The following ECHDC2 variants were observed in gnomAD, a reference collection of about 807,000 sequenced individuals.
ECHDC2 encodes enoyl-CoA hydratase domain-containing protein 2, mitochondrial.
In ECHDC2, 34 loss-of-function variants were observed where a neutral mutation model predicts 40.6. The ratio of observed to expected loss-of-function variants is 0.84; its 90% CI spans 0.64 to 1.11. The LOEUF (loss-of-function observed/expected upper bound fraction) is 1.11, where lower values mean the gene tolerates loss of function less well. Ranked by LOEUF, ECHDC2 falls within the 50% of genes most tolerant of loss-of-function variation. ECHDC2 has a pLI of 0.00. For synonymous variants in ECHDC2, 162 were observed against 166.6 expected, an observed-to-expected ratio of 0.97 and a Z score of 0.21; for missense variants, 392 against 400.7, an observed-to-expected ratio of 0.98 and a Z score of 0.19.
chr1:52,904,175 G>A (rs1221071055), intron 7 of ECHDC2, among the ~76,000 whole-genome samples: 2 of 152,214 alleles, frequency 1.3e-5, no homozygotes, highest in Non-Finnish European at 2.9e-5. Context: ...TGGGTTGGAA[G>A]TTCTGTATCT....
chr1:52,906,589 A>G lies in ECHDC2; in HGVS notation c.387T>C (p.Ile129=). 6.2e-7 allele frequency: 1 copy of G among 1,612,074 alleles called. No individual in the cohort carries two copies. The highest frequency in any genetic ancestry group is 1.1e-5 in the South Asian group (1 of 90,906). ...NDIAAFPAPT[I]AAMDGFALGG... Reference sequence around the variant, plus strand: ...CCAAGGCAAACCCATCCATAGCCGCAATGGTGGGTGCAGGGAAGGCTGCTG... The same window carrying G: ...CCAAGGCAAACCCATCCATAGCCGCGATGGTGGGTGCAGGGAAGGCTGCTG... The change falls in exon 5 of 10, where the codon ATT becomes ATC. Residue 129 remains isoleucine (I), a synonymous_variant. Coordinates refer to ENST00000371522, the MANE Select transcript of ECHDC2 (RefSeq NM_001198961.2).
At position 52,911,902 on chromosome 1, in the gene ECHDC2, T is replaced by A. The variant is rs1340354971; in HGVS notation, c.122-112A>T. 6.0e-6 allele frequency: 9 copies of A among 1,512,448 alleles called. No individual in the cohort carries two copies. The East Asian group carries it at 2.0e-4, about 33-fold the overall frequency. 93.7% of individuals were successfully genotyped at this position (1,512,448 alleles called of 1,614,324 possible). On this transcript the variant is annotated intron_variant, in intron 1 of 9. Transcript: ENST00000371522. The stretch of plus-strand genomic sequence containing the variant: ...GGATCTGGGGAGCCTCTGCCCTAGA[T>A]GACCAGAGTGACTTGCCACAAGTCA...
intron 7 of ECHDC2, chr1:52,899,550 T>C (rs1277019220): frequency 9.5e-6 from 3 of 316,314 alleles, no homozygotes; most frequent in Non-Finnish European, 1.7e-5. Context: ...TCTAGGCTGG[T>C]GTCATCACTG....
chr1:52,904,558 T>G, intron 7 of ECHDC2, 88 bp downstream of exon 7: 2 of 1,203,300 alleles, frequency 1.7e-6, no homozygotes, highest in East Asian at 5.2e-5. Flanking sequence ...TCTGGGAGAA[T>G]GGATGTGCAG....
Position 52,907,876 on chromosome 1 carries a change from T to C in ECHDC2, c.356A>G (p.Asn119Ser), listed in dbSNP as rs1320072778. 1.3e-6 allele frequency: 2 copies of C among 1,578,492 alleles called. No individual in the cohort carries two copies. The highest frequency in any genetic ancestry group is 1.7e-5 in the Admixed American group (1 of 59,500). ...VFVQRLRGLM[N>S]DIAAFPAPTI... ...CACACCCAGATCCTCACCGATGTCA[T>C]TCATCAGGCCCCGGAGTCGCTGGAC... is the stretch of plus-strand genomic sequence containing the variant. Residue 119 changes from asparagine to serine, a missense_variant, in exon 4 of 10, where the codon AAT becomes AGT. Physicochemically the swap from Asn to Ser is conservative, Grantham distance 46. Coordinates refer to ENST00000371522, the MANE Select transcript of ECHDC2 (RefSeq NM_001198961.2).
intron 1 of ECHDC2, chr1:52,915,136 T>C (rs1193323439): frequency 6.7e-6 from 3 of 445,276 alleles, no homozygotes; most frequent in African/African-American, 6.0e-5. Flanking sequence ...CACACCCTTA[T>C]CATCCCTTCT....
chr1:52,908,011 C>T, intron 3 of ECHDC2, 57 bp from the exon 4 acceptor site: 1 of 1,549,138 alleles, frequency 6.5e-7, no homozygotes, highest in Non-Finnish European at 8.9e-7. Context: ...TACGGAATCC[C>T]AGGCGGTTAA....
At chr1:52,907,756 C>T in intron 4 of ECHDC2, 112 bp downstream of exon 4, 1 of 950,232 alleles carries the variant, frequency 1.1e-6, no homozygotes, top group Non-Finnish European at 1.6e-6. Context: ...TCTGTCTTAT[C>T]ACAGAACTCC....
Position 52,905,065 on chromosome 1 carries a change from A to T in ECHDC2, c.483T>A (p.Ile161=). Residue 161 remains isoleucine, a synonymous_variant, in exon 6 of 10, where the codon ATT becomes ATA. Transcript: ENST00000371522. ...VAASSAVMGL[I]ETTRGLLPGA... ...CCGGGAGGAGCCCTCGCGTGGTCTCAATCAGTCCCATGACTGCCGAGGAAG... is the reference window on the plus strand; with the variant it reads ...CCGGGAGGAGCCCTCGCGTGGTCTCTATCAGTCCCATGACTGCCGAGGAAG... 1.9e-6 allele frequency: 3 copies of T among 1,614,094 alleles called. No individual in the cohort carries two copies. Among genetic ancestry groups the T allele is most frequent in the Non-Finnish European group, 2.5e-6 (3 of 1,179,974 alleles).
At chr1:52,919,842 C>A (rs1261607112) in intron 1 of ECHDC2, among the ~76,000 whole-genome samples, 1 of 152,204 alleles carries the variant, frequency 6.6e-6, no homozygotes, top group Non-Finnish European at 1.5e-5. Context: ...CTTTTCCTGC[C>A]CTTTGAGCCC....
chr1:52,897,690 AGAG>A lies in ECHDC2; in HGVS notation c.754-209_754-207del, dbSNP rs374903658. 513 of 623,168 alleles carry A rather than the reference AGAG, an allele frequency of 8.2e-4. 1 individual carries two copies. Among genetic ancestry groups the A allele is most frequent in the African/African-American group, 7.6e-3 (420 of 54,996 alleles). The allele number at this position is 623,168 out of a possible 1,614,324, so 38.6% of individuals were successfully genotyped here. A position where few individuals can be genotyped will look rare whatever the true frequency, so the allele number is the denominator to read the frequency against. On this transcript the variant is annotated intron_variant, in intron 8 of 9. Coordinates refer to ENST00000371522, the MANE Select transcript of ECHDC2 (RefSeq NM_001198961.2). ...ACAGACTGAGACATTTTGCCAGAGAAGAGGAGTTCTCCTTCCCATCCGGCTGCC... is the reference window on the plus strand; with the variant it reads ...ACAGACTGAGACATTTTGCCAGAGAAGAGTTCTCCTTCCCATCCGGCTGCC...
intron 4 of ECHDC2, chr1:52,907,642 C>G (rs1297337819): frequency 7.5e-6 from 4 of 532,112 alleles, no homozygotes; most frequent in Non-Finnish European, 6.7e-6. Context: ...AATGGCCAGG[C>G]TTGAACCCTG....
In ECHDC2 at chr1:52,914,890, C is replaced by T. The variant is rs1056323086; in HGVS notation, c.122-3100G>A. Among the ~76,000 whole-genome samples the T allele has an allele frequency of 6.6e-6, 1 of 152,176 alleles. No homozygotes were observed. Among genetic ancestry groups the T allele is most frequent in the Non-Finnish European group, 1.5e-5 (1 of 68,038 alleles). On this transcript the variant is annotated intron_variant, in intron 1 of 9. Transcript: ENST00000371522. The surrounding 1 kb of genome is among the most constrained non-coding windows in gnomAD (Gnocchi z 4.0). ...CCCACCTGGCCCTCGAGTCCTCAGT[C>T]TTGCTCCCTCCCAGCACACACACAT...
intron 3 of ECHDC2, among the ~76,000 whole-genome samples, chr1:52,911,198 G>A (rs1490660177): frequency 2.6e-5 from 4 of 151,914 alleles, no homozygotes; most frequent in Non-Finnish European, 4.4e-5. Context: ...GGCTGGTCTC[G>A]AACTCGGGCC....
At chr1:52,898,567 G>A (rs1039168390) in intron 8 of ECHDC2, 4 of 156,276 alleles carry the variant, frequency 2.6e-5, no homozygotes, top group Admixed American at 1.2e-4. Flanking sequence ...ATAATGGACC[G>A]CAAAGCTCTA....
At chr1:52,915,384 G>A in intron 1 of ECHDC2, 1 of 455,440 alleles carries the variant, frequency 2.2e-6, no homozygotes, top group South Asian at 1.5e-5. Context: ...GGCTCTCAAG[G>A]GACAGGGTGT....
Position 52,899,167 on chromosome 1 carries a change from C to CAA in ECHDC2, c.753+6_753+7insTT. 1 of 1,614,218 alleles carries CAA rather than the reference C, an allele frequency of 6.2e-7. No individual in the cohort carries two copies. The highest frequency in any genetic ancestry group is 8.5e-7 in the Non-Finnish European group (1 of 1,180,040). ...TGGACCCAAGTCCCAACCCAAAACC[C>CAA]TCTCACCTCCGTTCCTCGGTCAATG... On this transcript the variant is annotated splice_region_variant and intron_variant, in intron 8 of 9. Transcript: ENST00000371522.
chr1:52,910,693 A>G (rs987942916), intron 3 of ECHDC2, among the ~76,000 whole-genome samples: 1 of 152,138 alleles, frequency 6.6e-6, no homozygotes, highest in Non-Finnish European at 1.5e-5. Context: ...TATGTAAGTA[A>G]TAAGAAAATT....
chr1:52,906,389 G>GC, intron 5 of ECHDC2, 130 bp downstream of exon 5: 1 of 805,460 alleles, frequency 1.2e-6, no homozygotes, highest in Non-Finnish European at 2.1e-6. Context: ...TCTGTGCTCT[G>GC]CCTTGCCTTA....
Sources: allele counts gnomAD v4.1 joint callset (sites outside exome capture counted in the v4.1 genomes callset), GRCh38; gene constraint gnomAD v4.1.1; non-coding constraint Gnocchi (gnomAD v3.1); transcripts MANE v1.5; gene names NCBI Gene and HGNC (gene_info 2026-07-23, HGNC 2026-07-21).